Variants in PHACTR1 observed in about 807,000 individuals in gnomAD.
PHACTR1 encodes phosphatase and actin regulator 1, also known as RPEL repeat containing 1.
PHACTR1 carries 16 observed loss-of-function variants against 69.2 expected under a neutral mutation model. The observed-to-expected ratio is 0.23, with a 90% confidence interval of 0.16 to 0.35. The LOEUF (loss-of-function observed/expected upper bound fraction) is 0.35. Among genes scored for constraint, PHACTR1 ranks in the 10% least tolerant of loss-of-function variants. The pLI is 1.00. For missense variants in PHACTR1, 510 were observed against 734.7 expected, an observed-to-expected ratio of 0.69 and a Z score of 3.54; for synonymous variants, 312 against 284.5, an observed-to-expected ratio of 1.10 and a Z score of -0.97.
chr6:13,007,841 T>C (rs1233304343), intron 4 of PHACTR1, among the ~76,000 whole-genome samples: 2 of 152,072 alleles, frequency 1.3e-5, no homozygotes, highest in East Asian at 3.9e-4. Flanking sequence ...CTAAAATGAT[T>C]CCAATCTTCC....
At chr6:12,724,086 G>A (rs879633665) in intron 3 of PHACTR1, among the ~76,000 whole-genome samples, 2 of 152,152 alleles carry the variant, frequency 1.3e-5, no homozygotes, top group Non-Finnish European at 2.9e-5. Context: ...CCAGCACTTT[G>A]GGAGGCCAAG....
intron 9 of PHACTR1, among the ~76,000 whole-genome samples, chr6:13,228,798 G>A (rs770492356): frequency 1.3e-5 from 2 of 152,226 alleles, no homozygotes; most frequent in South Asian, 2.1e-4. Context: ...GAGACAAGGC[G>A]CTGGCCCAGG....
chr6:13,258,127 G>A (rs1775426605), intron 10 of PHACTR1, among the ~76,000 whole-genome samples: 1 of 152,184 alleles, frequency 6.6e-6, no homozygotes, highest in African/African-American at 2.4e-5. Flanking sequence ...GAAGCCCGAG[G>A]TGGATGGATC....
chr6:12,749,530 C>T (rs749061332), intron 3 of PHACTR1, 114 bp from the exon 4 acceptor site: 134 of 406,592 alleles, frequency 3.3e-4, no homozygotes, highest in Admixed American at 8.2e-4. Flanking sequence ...CCCACCCCTT[C>T]CCTTCCTCTC....
At chr6:13,199,979 T>C (rs1490089250) in intron 7 of PHACTR1, among the ~76,000 whole-genome samples, 1 of 152,212 alleles carries the variant, frequency 6.6e-6, no homozygotes, top group African/African-American at 2.4e-5. Flanking sequence ...TTTTAATAAA[T>C]TGGTTTAGGG....
At chr6:13,149,935 C>T (rs1450286626) in intron 5 of PHACTR1, among the ~76,000 whole-genome samples, 1 of 151,650 alleles carries the variant, frequency 6.6e-6, no homozygotes, top group African/African-American at 2.4e-5. Context: ...AAGGATTGGA[C>T]ATCCCTGATT....
At position 13,230,186 on chromosome 6, in the gene PHACTR1, C is replaced by A; in HGVS notation, c.1384C>A (p.Leu462Ile). 1 of 1,609,044 alleles carries A rather than the reference C, an allele frequency of 6.2e-7. No homozygotes were observed. The highest frequency in any genetic ancestry group is 1.1e-5 in the South Asian group (1 of 89,664). Residue 462 changes from leucine (L) to isoleucine (I), a missense_variant, in exon 10 of 15, where the codon CTC becomes ATC. Physicochemically the swap from Leu to Ile is conservative, Grantham distance 5. Around this residue, in one of 2 missense-constraint regions of PHACTR1, gnomAD observed 91 missense variants for 203.8 expected, o/e 0.45. Coordinates refer to ENST00000332995, the MANE Select transcript of PHACTR1 (RefSeq NM_030948.6). ...LELRQQIGTK[L>I]TRRLSQRPTA... ...GCTGAGGCAACAGATTGGCACCAAG[C>A]TCACCAGGTAGGACAGCGGCACCCT...
chr6:13,149,820 T>G (rs1824029198), intron 5 of PHACTR1, among the ~76,000 whole-genome samples: 1 of 137,466 alleles, frequency 7.3e-6, no homozygotes. Context: ...GTTACGAGAT[T>G]TTTTTTTGCG....
At chr6:12,760,472 A>G (rs1304166062) in intron 4 of PHACTR1, among the ~76,000 whole-genome samples, 3 of 152,232 alleles carry the variant, frequency 2.0e-5, no homozygotes, top group African/African-American at 2.4e-5. Flanking sequence ...GGAAATTCCA[A>G]TAGTCCTCTG....
rs557477336 is a variant in PHACTR1, at chr6:13,197,220, T to C, written c.665-8595T>C. ...GGACTGTACGGGGGCTACTTTATAC[T>C]CAGGCCTTCTGCTGACCTATATGGA... On this transcript the variant is annotated intron_variant, in intron 7 of 14. Coordinates refer to ENST00000332995, the MANE Select transcript of PHACTR1 (RefSeq NM_030948.6). 7.0e-4 allele frequency among the ~76,000 whole-genome samples: 106 copies of C among 152,292 alleles called. 1 individual carries two copies. Among genetic ancestry groups the C allele is most frequent in the African/African-American group, 2.3e-3 (97 of 41,568 alleles).
chr6:12,902,718 T>C (rs976678977), intron 4 of PHACTR1, among the ~76,000 whole-genome samples: 8 of 152,362 alleles, frequency 5.3e-5, no homozygotes, highest in Middle Eastern at 3.4e-3. Context: ...AACTGGATGA[T>C]GATTGAATGA....
At chr6:12,968,395 CATAA>C (rs1190207134) in intron 4 of PHACTR1, among the ~76,000 whole-genome samples, 1 of 152,098 alleles carries the variant, frequency 6.6e-6, no homozygotes, top group Non-Finnish European at 1.5e-5. Context: ...GCAAAATATG[CATAA>C]CATGAAATTT....
chr6:12,814,287 C>T (rs777645738), intron 4 of PHACTR1, among the ~76,000 whole-genome samples: 2 of 152,226 alleles, frequency 1.3e-5, no homozygotes, highest in African/African-American at 4.8e-5. Flanking sequence ...AGTCACCTTC[C>T]TCATGAGCCA....
chr6:13,203,549 A>G (rs1765515047), intron 7 of PHACTR1, among the ~76,000 whole-genome samples: 1 of 152,204 alleles, frequency 6.6e-6, no homozygotes, highest in Non-Finnish European at 1.5e-5. Flanking sequence ...TAACACGGAC[A>G]TAATATGCAT....
chr6:13,205,758 G>C, intron 7 of PHACTR1, 57 bp from the exon 8 acceptor site: 1 of 1,490,326 alleles, frequency 6.7e-7, no homozygotes, highest in East Asian at 2.3e-5. Flanking sequence ...CTGGTGTTCT[G>C]AGTTTCTTCT....
In PHACTR1 at chr6:13,246,390, G is replaced by A. The variant is rs963752292; in HGVS notation, c.1391+16197G>A. Among the ~76,000 whole-genome samples, 2 of 152,142 alleles carry A rather than the reference G, an allele frequency of 1.3e-5. No individual in the cohort carries two copies. Among genetic ancestry groups the A allele is most frequent in the African/African-American group, 2.4e-5 (1 of 41,424 alleles). ...AAAAGAACACTGAAATTAAATGTGC[G>A]AGCGAAAGATGTTTCCCTACCTGGA... On this transcript the variant is annotated intron_variant, in intron 10 of 14. Transcript: ENST00000332995. The surrounding 1 kb of genome is among the most constrained non-coding windows in gnomAD (Gnocchi z 4.2).
intron 10 of PHACTR1, chr6:13,230,545 CAAAA>C (rs59473759): frequency 0.14 from 12,865 of 93,684 alleles, 700 homozygotes; most frequent in Admixed American, 0.28. Context: ...GACTCTGTCT[CAAAA>C]AAAAAAAAAA....
intron 8 of PHACTR1, among the ~76,000 whole-genome samples, chr6:13,227,450 C>T (rs1181760582): frequency 6.6e-6 from 1 of 151,992 alleles, no homozygotes; most frequent in Non-Finnish European, 1.5e-5. Context: ...TAAAATTTGC[C>T]ATCTTAACCA....
rs572549279 is a variant in PHACTR1, at chr6:13,200,702, G to A, written c.665-5113G>A. On this transcript the variant is annotated intron_variant, in intron 7 of 14. Transcript: ENST00000332995. ...GTGGCCACCCACTTTGGGAGGCCGG[G>A]GTGGGTGGATCACCTGAGGTCAGGA... Among the ~76,000 whole-genome samples, 2 of 152,058 alleles carry A rather than the reference G, an allele frequency of 1.3e-5. 1 individual carries two copies. Among genetic ancestry groups the A allele is most frequent in the South Asian group, 4.1e-4 (2 of 4,828 alleles).
Sources: allele counts gnomAD v4.1 joint callset (sites outside exome capture counted in the v4.1 genomes callset), GRCh38; gene constraint gnomAD v4.1.1; regional missense constraint gnomAD v4.1.1; non-coding constraint Gnocchi (gnomAD v3.1); transcripts MANE v1.5; gene names NCBI Gene and HGNC (gene_info 2026-07-23, HGNC 2026-07-21).